The following TRAK1 variants were observed in gnomAD, a reference collection of about 807,000 sequenced individuals.
TRAK1 encodes the protein trafficking kinesin-binding protein 1.
In TRAK1, 33 loss-of-function variants were observed where a neutral mutation model predicts 92.1. The observed-to-expected ratio is 0.36, with a 90% CI of 0.27 to 0.48. TRAK1 has a LOEUF of 0.48. Among genes scored for constraint, TRAK1 ranks in the 20% least tolerant of loss-of-function variants. TRAK1 has a pLI of 0.99. For missense variants in TRAK1, 1,123 were observed against 1,257.9 expected, an observed-to-expected ratio of 0.89 and a Z score of 1.62; for synonymous variants, 521 against 517.3, an observed-to-expected ratio of 1.01 and a Z score of -0.10.
intron 1 of TRAK1, among the ~76,000 whole-genome samples, chr3:42,063,130 A>G (rs1703518168): frequency 6.6e-6 from 1 of 152,260 alleles, no homozygotes; most frequent in South Asian, 2.1e-4. Context: ...GCCTGCTGTT[A>G]TAAATAAAGT....
At position 42,013,945 on chromosome 3, in the gene TRAK1, G is replaced by GCGC. The variant is rs1559696963; in HGVS notation, c.-689_-687dup. 1 of 150,534 alleles carries GCGC rather than the reference G, an allele frequency of 6.6e-6. No individual in the cohort carries two copies. The highest frequency in any genetic ancestry group is 2.4e-5 in the African/African-American group (1 of 41,182). 9.3% of individuals were successfully genotyped at this position (150,534 alleles called of 1,614,324 possible). On this transcript the variant is annotated 5_prime_UTR_variant, in exon 1 of 17. Transcript: ENST00000487159. The surrounding 1 kb of genome is among the most constrained non-coding windows in gnomAD (Gnocchi z 5.1). ...GGCAGGCGGGCAGCAGGAGGCGGCG[G>GCGC]CGCCAGAGCGGAGCCCCCGCGAGTG... is the stretch of plus-strand genomic sequence containing the variant.
chr3:42,115,001 C>G (rs1708986852), intron 1 of TRAK1, among the ~76,000 whole-genome samples: 1 of 152,230 alleles, frequency 6.6e-6, no homozygotes, highest in Admixed American at 6.5e-5. Context: ...GCGTGAGCCA[C>G]TGTGCCCAGC....
intron 1 of TRAK1, among the ~76,000 whole-genome samples, chr3:42,113,314 TTCTAC>T (rs1395969960): frequency 2.0e-5 from 3 of 152,154 alleles, no homozygotes; most frequent in Admixed American, 6.5e-5. Context: ...AGCATTGTTA[TTCTAC>T]TCTACTCTCT....
chr3:42,072,191 G>A (rs1471564781), intron 1 of TRAK1, among the ~76,000 whole-genome samples: 1 of 151,956 alleles, frequency 6.6e-6, no homozygotes, highest in Non-Finnish European at 1.5e-5. Context: ...TGCTGGAGAA[G>A]CCCCTTTGCA....
intron 1 of TRAK1, among the ~76,000 whole-genome samples, chr3:42,122,518 C>G (rs756487419): frequency 2.0e-5 from 3 of 152,070 alleles, no homozygotes; most frequent in Non-Finnish European, 4.4e-5. Context: ...ACAGTTTGAC[C>G]AGATCCATGT....
chr3:42,082,952 G>A (rs1204222022), upstream of TRAK1, among the ~76,000 whole-genome samples: 1 of 152,190 alleles, frequency 6.6e-6, no homozygotes, highest in Non-Finnish European at 1.5e-5. Context: ...TGGTTGACTT[G>A]TTGATAGCTG....
intron 1 of TRAK1, among the ~76,000 whole-genome samples, chr3:42,032,431 G>T (rs529201366): frequency 6.6e-6 from 1 of 150,934 alleles, no homozygotes; most frequent in East Asian, 1.9e-4. Flanking sequence ...GCCAAGTACT[G>T]TGGGAAGCCC....
chr3:42,204,248 ATC>A, intron 13 of TRAK1: 17 of 985,506 alleles, frequency 1.7e-5, no homozygotes, highest in Non-Finnish European at 2.0e-5. Context: ...GGAATTTATC[ATC>A]TCTGTCTTGT....
intron 14 of TRAK1, among the ~76,000 whole-genome samples, chr3:42,214,406 C>G (rs1004355433): frequency 1.3e-5 from 2 of 152,174 alleles, no homozygotes; most frequent in Non-Finnish European, 2.9e-5. Context: ...GAAGGAAGGA[C>G]AAGAGGACAG....
At chr3:42,201,630 T>TC (rs970982599) in intron 12 of TRAK1, among the ~76,000 whole-genome samples, 6 of 152,160 alleles carry the variant, frequency 3.9e-5, no homozygotes, top group African/African-American at 1.4e-4. Flanking sequence ...TGAATATTTT[T>TC]TTTTTTGTTA....
chr3:42,201,871 GACGGACAGACGGAC>G (rs1447532199), intron 12 of TRAK1, among the ~76,000 whole-genome samples: 3 of 125,394 alleles, frequency 2.4e-5, no homozygotes, highest in Admixed American at 8.0e-5. Flanking sequence ...CGGACGGACG[GACGGACAGACGGAC>G]ACACACACAC....
chr3:42,118,687 C>T (rs1447391710), intron 1 of TRAK1, among the ~76,000 whole-genome samples: 2 of 152,238 alleles, frequency 1.3e-5, no homozygotes, highest in African/African-American at 4.8e-5. Flanking sequence ...CCTGGTGGCC[C>T]TAACTGAAGC....
intron 14 of TRAK1, among the ~76,000 whole-genome samples, chr3:42,215,746 A>T (rs1262518650): frequency 1.3e-5 from 2 of 152,216 alleles, no homozygotes; most frequent in African/African-American, 4.8e-5. Context: ...TTGTAAATTT[A>T]CATTTATAGA....
At position 42,047,555 on chromosome 3, in the gene TRAK1, T is replaced by G. The variant is rs183886627; in HGVS notation, c.-519+33438T>G. Among the ~76,000 whole-genome samples the G allele has an allele frequency of 2.8e-3, 403 of 146,188 alleles. 2 individuals carry two copies. Among genetic ancestry groups the G allele is most frequent in the Non-Finnish European group, 3.8e-3 (248 of 65,760 alleles). On this transcript the variant is annotated intron_variant, in intron 1 of 16. Transcript: ENST00000487159. ...AAAAGTAGAAAAGTGGACTTAAGAT[T>G]TACTTTTTCTAATTTCTGTCCCACA...
At chr3:42,201,634 T>G (rs968708452) in intron 12 of TRAK1, among the ~76,000 whole-genome samples, 5 of 152,140 alleles carry the variant, frequency 3.3e-5, no homozygotes, top group Admixed American at 6.5e-5. Flanking sequence ...TATTTTTTTT[T>G]TTGTTAATCT....
chr3:42,129,312 G>A (rs1172188042), intron 2 of TRAK1, among the ~76,000 whole-genome samples: 1 of 152,128 alleles, frequency 6.6e-6, no homozygotes, highest in Non-Finnish European at 1.5e-5. Context: ...GGCGGGCATG[G>A]GGATAAGGAG....
chr3:42,190,523 C>T (rs1576902582), intron 6 of TRAK1, among the ~76,000 whole-genome samples: 1 of 152,104 alleles, frequency 6.6e-6, no homozygotes, highest in African/African-American at 2.4e-5. Context: ...CCCTGTGCTC[C>T]CTATTCTGAG....
intron 1 of TRAK1, among the ~76,000 whole-genome samples, chr3:42,075,452 T>C (rs1289124659): frequency 6.6e-6 from 1 of 151,930 alleles, no homozygotes; most frequent in African/African-American, 2.4e-5. Flanking sequence ...TGAAGATACA[T>C]GTGCTTATGT....
chr3:42,108,120 C>A (rs1019032170), intron 1 of TRAK1, among the ~76,000 whole-genome samples: 1 of 152,022 alleles, frequency 6.6e-6, no homozygotes, highest in Non-Finnish European at 1.5e-5. Context: ...CCATGGGGCT[C>A]AGAGCTTTGA....
Sources: allele counts gnomAD v4.1 joint callset (sites outside exome capture counted in the v4.1 genomes callset), GRCh38; gene constraint gnomAD v4.1.1; non-coding constraint Gnocchi (gnomAD v3.1); transcripts MANE v1.5; gene names NCBI Gene and HGNC (gene_info 2026-07-23, HGNC 2026-07-21).